The following TMPRSS3 variants were observed in gnomAD, a reference collection of about 807,000 sequenced individuals.
TMPRSS3 encodes transmembrane protease serine 3.
Under a neutral mutation model 59.6 loss-of-function variants are expected in TMPRSS3, and 55 were observed. The observed-to-expected ratio is 0.92, with a 90% CI of 0.74 to 1.16. The LOEUF (loss-of-function observed/expected upper bound fraction) is 1.16. Ranked by LOEUF, TMPRSS3 falls within the 50% of genes most tolerant of loss-of-function variation. The pLI is 0.00. For missense variants in TMPRSS3, 596 were observed against 579.4 expected, an observed-to-expected ratio of 1.03 and a Z score of -0.29; for synonymous variants, 257 against 237.7, an observed-to-expected ratio of 1.08 and a Z score of -0.75.
chr21:42,392,043 T>A (rs145516257), intron 2 of TMPRSS3, among the ~76,000 whole-genome samples: 168 of 152,148 alleles, frequency 1.1e-3, no homozygotes, highest in African/African-American at 3.9e-3. Flanking sequence ...TTGTTAAAAA[T>A]AAGGAAGATT....
intron 8 of TMPRSS3, 24 bp downstream of exon 8, chr21:42,383,009 G>C (rs1298570987): frequency 6.2e-7 from 1 of 1,613,472 alleles, no homozygotes; most frequent in Admixed American, 1.7e-5. Flanking sequence ...ACAGGGGTCT[G>C]GGAAGATGGT....
intron 9 of TMPRSS3, among the ~76,000 whole-genome samples, chr21:42,380,731 G>A (rs751539999): frequency 1.2e-4 from 18 of 152,240 alleles, no homozygotes; most frequent in Non-Finnish European, 1.8e-4. Context: ...GATATCTGGA[G>A]GCGACGAGTT....
At chr21:42,385,288 C>T in intron 6 of TMPRSS3, 121 bp downstream of exon 6, 2 of 1,436,308 alleles carry the variant, frequency 1.4e-6, no homozygotes, top group Non-Finnish European at 1.9e-6. Context: ...GGCCAACTCC[C>T]ACCTTCCATC....
intron 12 of TMPRSS3, 121 bp from the exon 13 acceptor site, chr21:42,372,900 A>G: frequency 7.9e-7 from 1 of 1,266,830 alleles, no homozygotes; most frequent in East Asian, 2.4e-5. Flanking sequence ...TCCACGATGA[A>G]GACAAGGTTG....
intron 12 of TMPRSS3, 134 bp from the exon 13 acceptor site, chr21:42,372,913 C>T (rs1221094900): frequency 9.1e-7 from 1 of 1,098,268 alleles, no homozygotes; most frequent in East Asian, 2.5e-5. Context: ...CAAGGTTGGC[C>T]TCCCCCTGGG....
chr21:42,386,119 A>C (rs75925959), intron 5 of TMPRSS3, among the ~76,000 whole-genome samples: 3 of 152,188 alleles, frequency 2.0e-5, no homozygotes, highest in African/African-American at 7.2e-5. Flanking sequence ...TCTGGAGAAC[A>C]GTGGTGAAAG....
chr21:42,380,323 A>C, intron 9 of TMPRSS3, 111 bp from the exon 10 acceptor site: 1 of 881,002 alleles, frequency 1.1e-6, no homozygotes, highest in Non-Finnish European at 1.8e-6. Context: ...CAAGGGAAGG[A>C]AGGTCAAGCC....
intron 10 of TMPRSS3, 45 bp downstream of exon 10, chr21:42,380,072 G>T (rs1290487565): frequency 1.3e-6 from 2 of 1,529,908 alleles, no homozygotes; most frequent in Non-Finnish European, 1.8e-6. Context: ...CAGCCCTCTG[G>T]GTTCTGAGCC....
Position 42,382,108 on chromosome 21 carries a change from A to T in TMPRSS3, c.909T>A (p.Asn303Lys), listed in dbSNP as rs772660950. Reference sequence around the variant, plus strand: ...CGGCCAGCTTCATAAGGGCGATGTCATTGCCCAGCCTCTTTGGCTTGTACT... The same window carrying T: ...CGGCCAGCTTCATAAGGGCGATGTCTTTGCCCAGCCTCTTTGGCTTGTACT... ...HSKYKPKRLG[N>K]DIALMKLAGP... Residue 303 changes from asparagine to lysine, a missense_variant, in exon 9 of 13, where the codon AAT becomes AAA. By Grantham distance (94) the Asn-to-Lys change is moderately conservative. Transcript: ENST00000644384. The T allele has an allele frequency of 1.2e-6, 2 of 1,614,058 alleles. No homozygotes were observed. Among genetic ancestry groups the T allele is most frequent in the East Asian group, 4.5e-5 (2 of 44,904 alleles).
Position 42,389,057 on chromosome 21 carries a change from GA to G in TMPRSS3, c.206-13del. 6.2e-7 allele frequency: 1 copy of G among 1,613,950 alleles called. No homozygotes were observed. On this transcript the variant is annotated splice_polypyrimidine_tract_variant and intron_variant, in intron 3 of 12. Coordinates refer to ENST00000644384, the MANE Select transcript of TMPRSS3 (RefSeq NM_001256317.3). Reference sequence around the variant, plus strand: ...GCAGTCGAAGTGGACTGGGAAAAGGGAGGAAGGCAGGAATTAACCAACAGCT... The same window carrying G: ...GCAGTCGAAGTGGACTGGGAAAAGGGGGAAGGCAGGAATTAACCAACAGCT...
At chr21:42,383,850 G>T in intron 7 of TMPRSS3, 120 bp downstream of exon 7, 1 of 1,072,796 alleles carries the variant, frequency 9.3e-7, no homozygotes, top group South Asian at 1.3e-5. Flanking sequence ...CAGAGTTCCC[G>T]CCTGGCACCC....
rs149355621 is a variant in TMPRSS3 at position 42,384,074 on chromosome 21, T to C, written c.573-61A>G. 3.9e-6 allele frequency: 6 copies of C among 1,531,796 alleles called. No homozygotes were observed. In the East Asian group the frequency reaches 1.4e-4, roughly 35 times the overall value. 94.9% of individuals were successfully genotyped at this position (1,531,796 alleles called of 1,614,324 possible). On this transcript the variant is annotated intron_variant, in intron 6 of 12. Transcript: ENST00000644384. Reference sequence around the variant, plus strand: ...CCCCAGATCTGTGAAAGGAACACTCTTAAAAACTCAATCTTAGGGTAACAG... The same window carrying C: ...CCCCAGATCTGTGAAAGGAACACTCCTAAAAACTCAATCTTAGGGTAACAG...
chr21:42,383,576 G>C (rs2052573454), intron 7 of TMPRSS3: 1 of 505,498 alleles, frequency 2.0e-6, no homozygotes, highest in East Asian at 3.7e-5. Flanking sequence ...CTCCCTGACT[G>C]CTCCAGACCC....
At chr21:42,393,545 T>A (rs746831199) in intron 2 of TMPRSS3, among the ~76,000 whole-genome samples, 1 of 152,170 alleles carries the variant, frequency 6.6e-6, no homozygotes, top group Non-Finnish European at 1.5e-5. Flanking sequence ...ATGGCACTTA[T>A]AATATTGATG....
chr21:42,387,835 T>G (rs1255805270), intron 5 of TMPRSS3, among the ~76,000 whole-genome samples: 1 of 152,178 alleles, frequency 6.6e-6, no homozygotes, highest in Non-Finnish European at 1.5e-5. Flanking sequence ...AGGCCAAAAC[T>G]GTGTCACTCC....
intron 8 of TMPRSS3, chr21:42,382,612 C>A (rs1429437592): frequency 5.1e-6 from 2 of 390,558 alleles, no homozygotes; most frequent in East Asian, 5.7e-5. Context: ...TTTTCTTGCA[C>A]TCTAAACTCC....
chr21:42,372,934 C>T (rs1257897078), intron 12 of TMPRSS3, among the ~76,000 whole-genome samples, 155 bp from the exon 13 acceptor site: 2 of 152,182 alleles, frequency 1.3e-5, no homozygotes, highest in African/African-American at 2.4e-5. Flanking sequence ...GCTGCCAGCT[C>T]TGAGTGGATC....
chr21:42,387,325 C>T (rs1459542764), intron 5 of TMPRSS3, among the ~76,000 whole-genome samples: 1 of 151,270 alleles, frequency 6.6e-6, no homozygotes, highest in African/African-American at 2.4e-5. Flanking sequence ...GGAAGAGGCT[C>T]AGCGGGGAAG....
At chr21:42,377,522 G>C (rs2052450903) in intron 10 of TMPRSS3, among the ~76,000 whole-genome samples, 1 of 152,224 alleles carries the variant, frequency 6.6e-6, no homozygotes, top group South Asian at 2.1e-4. Flanking sequence ...CTAACTATGA[G>C]ATGATACCTT....
Sources: gnomAD v4.1 joint callset for allele counts (sites outside exome capture counted in the v4.1 genomes callset) on GRCh38, gnomAD v4.1.1 for gene constraint, MANE v1.5 for transcripts, NCBI Gene and HGNC (gene_info 2026-07-23, HGNC 2026-07-21) for gene names.